GPATCH2L: variants seen among roughly 807,000 people sequenced by gnomAD.
The protein encoded by GPATCH2L is G-patch domain containing 2 like.
Under a neutral mutation model 57.4 loss-of-function variants are expected in GPATCH2L, and 31 were observed. That is an observed-to-expected ratio of 0.54 (90% CI 0.41 to 0.73). The LOEUF (loss-of-function observed/expected upper bound fraction) is 0.73, where lower values mean the gene tolerates loss of function less well. GPATCH2L is among the 30% of genes least tolerant of loss of function. The pLI is 0.00. For missense variants in GPATCH2L, 481 were observed against 599.9 expected, an observed-to-expected ratio of 0.80 and a Z score of 2.07; for synonymous variants, 199 against 210.7, an observed-to-expected ratio of 0.94 and a Z score of 0.48.
At chr14:76,229,373 A>G (rs2040550380) in intron 1 of GPATCH2L, among the ~76,000 whole-genome samples, 2 of 152,232 alleles carry the variant, frequency 1.3e-5, no homozygotes, top group Admixed American at 1.3e-4. Flanking sequence ...CTCATCTGAT[A>G]TGTGAGTTCA....
intron 2 of GPATCH2L, among the ~76,000 whole-genome samples, chr14:76,157,594 G>A (rs1326301402): frequency 1.3e-5 from 2 of 151,968 alleles, no homozygotes; most frequent in African/African-American, 4.8e-5. Flanking sequence ...ATTGAGGGTT[G>A]TCAGAGTAAT....
At position 76,211,338 on chromosome 14, in the gene GPATCH2L, T is replaced by C. The variant is rs966603946; in HGVS notation, c.*9487T>C. ...CCTACTGCAACTGGCCCATTGTGCA[T>C]ACAAAGCTGGAACTGAGATGTGAAC... On this transcript the variant is annotated 3_prime_UTR_variant, in exon 10 of 10. Transcript: ENST00000261530. 6.6e-6 allele frequency: 1 copy of C among 152,230 alleles called. No individual in the cohort carries two copies. The highest frequency in any genetic ancestry group is 2.4e-5 in the African/African-American group (1 of 41,472). 9.4% of individuals were successfully genotyped at this position (152,230 alleles called of 1,614,324 possible).
chr14:76,225,060 G>A (rs1432661117), intron 1 of GPATCH2L, among the ~76,000 whole-genome samples: 1 of 152,128 alleles, frequency 6.6e-6, no homozygotes, highest in Non-Finnish European at 1.5e-5. Context: ...TTTCCAACTG[G>A]TCTACAGAGT....
At chr14:76,173,835 G>GA in intron 5 of GPATCH2L, 2 of 418,086 alleles carry the variant, frequency 4.8e-6, no homozygotes, top group African/African-American at 3.3e-5. Context: ...TAGAAGTACT[G>GA]ACAAAAAAAA....
At chr14:76,164,918 C>T (rs1163237229) in intron 2 of GPATCH2L, among the ~76,000 whole-genome samples, 1 of 152,110 alleles carries the variant, frequency 6.6e-6, no homozygotes, top group Admixed American at 6.5e-5. Context: ...CCTCTGCTTT[C>T]AAAGAGGCTC....
intron 2 of GPATCH2L, among the ~76,000 whole-genome samples, chr14:76,155,626 C>T (rs937568970): frequency 1.3e-5 from 2 of 152,178 alleles, no homozygotes; most frequent in Non-Finnish European, 2.9e-5. Flanking sequence ...CAGATGTGAT[C>T]AAGCCAGAAA....
At chr14:76,178,697 G>A (rs964169059) in intron 7 of GPATCH2L, 2 of 152,724 alleles carry the variant, frequency 1.3e-5, no homozygotes, top group African/African-American at 4.8e-5. Flanking sequence ...ACTCCTATAA[G>A]AATCTAATGT....
Position 76,208,962 on chromosome 14 carries a change from A to C in GPATCH2L, c.*7111A>C, listed in dbSNP as rs1482107861. 1 of 152,208 alleles carries C rather than the reference A, an allele frequency of 6.6e-6. No individual in the cohort carries two copies. The highest frequency in any genetic ancestry group is 1.5e-5 in the Non-Finnish European group (1 of 68,068). 9.4% of individuals were successfully genotyped at this position (152,208 alleles called of 1,614,324 possible). Reference sequence around the variant, plus strand: ...GTGGGGATGGGTTTCAGTCTTTAAAAAGAAATGTAGCTGAGGCTGAGAACC... The same window carrying C: ...GTGGGGATGGGTTTCAGTCTTTAAACAGAAATGTAGCTGAGGCTGAGAACC... On this transcript the variant is annotated 3_prime_UTR_variant, in exon 10 of 10. Transcript: ENST00000261530.
At chr14:76,153,519 C>T (rs1312821088) in intron 1 of GPATCH2L, 1 of 152,226 alleles carries the variant, frequency 6.6e-6, no homozygotes, top group Admixed American at 6.5e-5. Flanking sequence ...CCTGTCATTT[C>T]AGCTGCTATT....
At chr14:76,191,001 GT>G (rs1170836706) in intron 8 of GPATCH2L, among the ~76,000 whole-genome samples, 1 of 152,046 alleles carries the variant, frequency 6.6e-6, no homozygotes, top group Non-Finnish European at 1.5e-5. Context: ...GTATTACATG[GT>G]TTGCAACCCA....
At chr14:76,229,238 A>G (rs1203194066) in intron 1 of GPATCH2L, among the ~76,000 whole-genome samples, 4 of 152,222 alleles carry the variant, frequency 2.6e-5, no homozygotes, top group Non-Finnish European at 5.9e-5. Flanking sequence ...TTTGTAAAGG[A>G]TTGATATTCC....
intron 8 of GPATCH2L, among the ~76,000 whole-genome samples, chr14:76,181,974 T>G (rs1232836445): frequency 2.0e-5 from 3 of 152,230 alleles, no homozygotes; most frequent in African/African-American, 7.2e-5. Flanking sequence ...TTTTGCACCA[T>G]AACCTACTGC....
chr14:76,182,157 A>G (rs539716200), intron 8 of GPATCH2L, among the ~76,000 whole-genome samples: 1 of 152,068 alleles, frequency 6.6e-6, no homozygotes, highest in African/African-American at 2.4e-5. Context: ...GGAGATCGAG[A>G]CCATCCTGGC....
At chr14:76,231,047 C>T (rs1027711420) in intron 2 of GPATCH2L, among the ~76,000 whole-genome samples, 1 of 152,222 alleles carries the variant, frequency 6.6e-6, no homozygotes, top group Admixed American at 6.5e-5. Flanking sequence ...GCTCTTTTTG[C>T]AAGTCTCAAC....
At chr14:76,176,574 T>C in intron 5 of GPATCH2L, 49 bp from the exon 6 acceptor site, 4 of 1,244,714 alleles carry the variant, frequency 3.2e-6, no homozygotes, top group Non-Finnish European at 4.7e-6. Context: ...GTACTTTATA[T>C]GTTTGTTTCT....
In GPATCH2L at chr14:76,154,584, A is replaced by C; in HGVS notation, c.221A>C (p.Lys74Thr). 1 of 1,614,228 alleles carries C rather than the reference A, an allele frequency of 6.2e-7. No homozygotes were observed. Among genetic ancestry groups the C allele is most frequent in the Non-Finnish European group, 8.5e-7 (1 of 1,180,026 alleles). The change falls in exon 2 of 10, where the codon AAG becomes ACG. Residue 74 changes from lysine to threonine, a missense_variant. Physicochemically the swap from Lys to Thr is moderately conservative, Grantham distance 78. This residue lies in a region of GPATCH2L where 208 missense variants were observed against 272.4 expected (regional missense o/e 0.76). Coordinates refer to ENST00000261530, the MANE Select transcript of GPATCH2L (RefSeq NM_017926.4). This position sits in a 1 kb window ranked among gnomAD's most constrained non-coding sequence, Gnocchi z 4.4. Reference sequence around the variant, plus strand: ...GAGTCAAGTCTGGATGAGGCCACTAAGGACTGTCGAGAAGTGGCTCCGGTG... The same window carrying C: ...GAGTCAAGTCTGGATGAGGCCACTACGGACTGTCGAGAAGTGGCTCCGGTG... ...ASESSLDEAT[K>T]DCREVAPVTN...
intron 5 of GPATCH2L, chr14:76,175,383 T>TC (rs1172114039): frequency 8.0e-6 from 1 of 124,260 alleles, no homozygotes; most frequent in African/African-American, 3.0e-5. Flanking sequence ...TTCTTCCCCC[T>TC]CCCCCATCTC....
At chr14:76,159,643 G>T (rs2038480396) in intron 2 of GPATCH2L, among the ~76,000 whole-genome samples, 1 of 152,088 alleles carries the variant, frequency 6.6e-6, no homozygotes, top group African/African-American at 2.4e-5. Flanking sequence ...AGAAAACACT[G>T]CAGTCTCCAG....
intron 7 of GPATCH2L, chr14:76,178,816 C>T (rs1246650995): frequency 6.6e-6 from 1 of 152,374 alleles, no homozygotes; most frequent in Non-Finnish European, 1.5e-5. Context: ...TTGGGGACCC[C>T]TGCCTTAGAG....
Sources: allele counts gnomAD v4.1 joint callset (sites outside exome capture counted in the v4.1 genomes callset), GRCh38; gene constraint gnomAD v4.1.1; regional missense constraint gnomAD v4.1.1; non-coding constraint Gnocchi (gnomAD v3.1); transcripts MANE v1.5; gene names NCBI Gene and HGNC (gene_info 2026-07-23, HGNC 2026-07-21).